Variants in COX11 observed in about 807,000 individuals in gnomAD.
The protein encoded by COX11 is cytochrome c oxidase copper chaperone COX11.
A neutral mutation model predicts 29.4 loss-of-function variants in COX11; 18 were observed. That is an observed-to-expected ratio of 0.61 (90% CI 0.42 to 0.91). COX11 has a LOEUF of 0.91. Ranked by LOEUF, COX11 falls within the 40% of genes least tolerant of loss-of-function variation. The pLI is 0.00. For missense variants in COX11, 312 were observed against 346.0 expected (o/e 0.90, Z 0.78); for synonymous variants, 131 against 124.0 (o/e 1.06, Z -0.38).
At position 54,961,156 on chromosome 17, in the gene COX11, T is replaced by G; in HGVS notation, c.*1577A>C. 9.9e-7 allele frequency: 1 copy of G among 1,011,074 alleles called. No individual in the cohort carries two copies. The highest frequency in any genetic ancestry group is 1.5e-6 in the Non-Finnish European group (1 of 660,122). The allele number at this position is 1,011,074 out of a possible 1,614,324, so 62.6% of individuals were successfully genotyped here. A position where few individuals can be genotyped will look rare whatever the true frequency, so the allele number is the denominator to read the frequency against. ...AGACTGTGACTCTCCAGCTTCCCAG[T>G]AAAGACAAGAGAGTTATCAAGGAAT... is the stretch of plus-strand genomic sequence containing the variant. On this transcript the variant is annotated 3_prime_UTR_variant, in exon 4 of 4. Transcript: ENST00000299335.
chr17:54,968,527 C>G lies in COX11; in HGVS notation c.120G>C (p.Trp40Cys). The change falls in exon 1 of 4, where the codon TGG becomes TGC. Residue 40 changes from tryptophan (W) to cysteine (C), a missense_variant. By Grantham distance (215) the Trp-to-Cys change is radical. This residue lies in a region of COX11 where 130 missense variants were observed against 106.0 expected (regional missense o/e 1.23). Transcript: ENST00000299335. ...CTCTCTCGGCACCTCCTGTCCCACT[C>G]CACTCTGGCCTAAGAAACGGCTCTA... ...ERVEPFLRPEWSGTGGAERGL... is the reference protein window; with the variant it reads ...ERVEPFLRPECSGTGGAERGL... 6.2e-7 allele frequency: 1 copy of G among 1,613,284 alleles called. No individual in the cohort carries two copies. Among genetic ancestry groups the G allele is most frequent in the Non-Finnish European group, 8.5e-7 (1 of 1,179,994 alleles).
chr17:54,954,361 G>C (rs2049383956), exon 1 of COX11: 2 of 152,192 alleles, frequency 1.3e-5, no homozygotes, highest in African/African-American at 4.8e-5. Flanking sequence ...AAAACACATA[G>C]ACCCGAGCAA....
chr17:54,960,702 G>A lies in COX11; in HGVS notation c.*2031C>T. The stretch of plus-strand genomic sequence containing the variant: ...GTATAATTATCACTTTACATATTTA[G>A]TATTTAAATTTTCTAAGGGCCATCT... On this transcript the variant is annotated 3_prime_UTR_variant, in exon 4 of 4. Transcript: ENST00000299335. 1 of 1,209,266 alleles carries A rather than the reference G, an allele frequency of 8.3e-7. No individual in the cohort carries two copies. The highest frequency in any genetic ancestry group is 1.2e-6 in the Non-Finnish European group (1 of 823,808). 74.9% of individuals were successfully genotyped at this position (1,209,266 alleles called of 1,614,324 possible). A position where few individuals can be genotyped will look rare whatever the true frequency, so the allele number is the denominator to read the frequency against.
rs141417404 is a variant in COX11 at position 54,960,633 on chromosome 17, G to A, written c.*2100C>T. On this transcript the variant is annotated 3_prime_UTR_variant, in exon 4 of 4. Transcript: ENST00000299335. ...TCAAAATGATGGTGACTGAGGTAAA[G>A]ACTTCAACTTATACAACTTAATTCC... 31 of 1,597,226 alleles carry A rather than the reference G, an allele frequency of 1.9e-5. No homozygotes were observed. Among genetic ancestry groups the A allele is most frequent in the Non-Finnish European group, 2.6e-5 (30 of 1,165,516 alleles).
Position 54,960,973 on chromosome 17 carries a change from T to C in COX11, c.*1760A>G, listed in dbSNP as rs904163976. On this transcript the variant is annotated 3_prime_UTR_variant, in exon 4 of 4. Coordinates refer to ENST00000299335, the MANE Select transcript of COX11 (RefSeq NM_004375.5). Reference sequence around the variant, plus strand: ...GTTAACCGGTACCAGTAGACCCATTTACCGTTAGTCCTCCAAATAGGTCTG... The same window carrying C: ...GTTAACCGGTACCAGTAGACCCATTCACCGTTAGTCCTCCAAATAGGTCTG... 7.3e-6 allele frequency: 4 copies of C among 547,990 alleles called. No individual in the cohort carries two copies. The Admixed American group carries it at 1.3e-4, about 18-fold the overall frequency. The allele number at this position is 547,990 out of a possible 1,614,324, so 33.9% of individuals were successfully genotyped here. A position where few individuals can be genotyped will look rare whatever the true frequency, so the allele number is the denominator to read the frequency against.
exon 1 of COX11, chr17:54,952,407 TGTG>T (rs1355979912): frequency 6.6e-6 from 1 of 151,424 alleles, no homozygotes; most frequent in Non-Finnish European, 1.5e-5. Flanking sequence ...ATTAGGCAGG[TGTG>T]GTGGTGCGCA....
chr17:54,968,173 G>C, intron 1 of COX11, 108 bp downstream of exon 1: 1 of 1,494,216 alleles, frequency 6.7e-7, no homozygotes, highest in Non-Finnish European at 8.9e-7. Flanking sequence ...AGATAATATC[G>C]GAAACCTCTT....
At position 54,962,684 on chromosome 17, in the gene COX11, A is replaced by C. The variant is rs2077150620; in HGVS notation, c.*49T>G. Reference sequence around the variant, plus strand: ...TTTCTCCTTTGAGAAGATAGGATATATGATTTTCCCAAAAATCACAACTTT... The same window carrying C: ...TTTCTCCTTTGAGAAGATAGGATATCTGATTTTCCCAAAAATCACAACTTT... On this transcript the variant is annotated 3_prime_UTR_variant, in exon 4 of 4. Coordinates refer to ENST00000299335, the MANE Select transcript of COX11 (RefSeq NM_004375.5). 1 of 1,588,728 alleles carries C rather than the reference A, an allele frequency of 6.3e-7. No homozygotes were observed. Among genetic ancestry groups the C allele is most frequent in the Non-Finnish European group, 8.6e-7 (1 of 1,168,734 alleles).
intron 3 of COX11, 160 bp from the exon 4 acceptor site, chr17:54,963,075 T>A: frequency 1.3e-6 from 1 of 781,864 alleles, no homozygotes; most frequent in South Asian, 2.0e-5. Flanking sequence ...TCTTTTCATC[T>A]CAATGAGTTC....
chr17:54,954,493 T>C (rs779836697), exon 1 of COX11: 4 of 152,236 alleles, frequency 2.6e-5, no homozygotes, highest in African/African-American at 2.4e-5. Context: ...GCTATTGCCA[T>C]AGCAGGAGCC....
rs368022665 is a variant in COX11, at chr17:54,966,292, G to A, written c.367-1440C>T. On this transcript the variant is annotated intron_variant, in intron 1 of 3. Coordinates refer to ENST00000299335, the MANE Select transcript of COX11 (RefSeq NM_004375.5). The stretch of plus-strand genomic sequence containing the variant: ...AAATAGACAAAAAGACTAGAAAACA[G>A]CACTAAAAAGATGTCCTGGTCTCTA... 1.5e-3 allele frequency among the ~76,000 whole-genome samples: 232 copies of A among 152,278 alleles called. 7 individuals are homozygous for A. The South Asian group carries it at 0.046, about 30-fold the overall frequency.
Position 54,960,470 on chromosome 17 carries a change from C to A in COX11, c.*2263G>T. 1.1e-6 allele frequency: 1 copy of A among 874,484 alleles called. No individual in the cohort carries two copies. Among genetic ancestry groups the A allele is most frequent in the Non-Finnish European group, 1.9e-6 (1 of 515,154 alleles). 54.2% of individuals were successfully genotyped at this position (874,484 alleles called of 1,614,324 possible). On this transcript the variant is annotated 3_prime_UTR_variant, in exon 4 of 4. Coordinates refer to ENST00000299335, the MANE Select transcript of COX11 (RefSeq NM_004375.5). ...CTCATATGTAGCCTGAACTCCAAAA[C>A]CAGCTCAATTTTTAATTACAGTGCT...
intron 2 of COX11, chr17:54,964,431 C>T (rs748808629): frequency 2.8e-5 from 11 of 391,974 alleles, no homozygotes; most frequent in Admixed American, 1.8e-4. Flanking sequence ...CTCATCTAAA[C>T]TTAATTTCAA....
intron 2 of COX11, among the ~76,000 whole-genome samples, chr17:54,963,830 C>T (rs1844562992): frequency 1.3e-5 from 2 of 151,944 alleles, no homozygotes; most frequent in African/African-American, 4.8e-5. Flanking sequence ...ATTAAACTTA[C>T]CTTAAAATCA....
chr17:54,955,924 A>G (rs1041936092), downstream of COX11, among the ~76,000 whole-genome samples: 6 of 152,184 alleles, frequency 3.9e-5, no homozygotes, highest in Admixed American at 3.9e-4. Flanking sequence ...ACTAGACACC[A>G]GGTCAGGGGT....
chr17:54,967,521 T>C (rs1291324071), intron 1 of COX11, among the ~76,000 whole-genome samples: 1 of 152,074 alleles, frequency 6.6e-6, no homozygotes, highest in Admixed American at 6.5e-5. Flanking sequence ...TTCTCAAAAC[T>C]TGCCCTCAAA....
downstream of COX11, among the ~76,000 whole-genome samples, chr17:54,959,998 T>G (rs12938118): frequency 3.9e-5 from 6 of 152,014 alleles, no homozygotes; most frequent in South Asian, 2.1e-4. Flanking sequence ...ATTTGAGTCA[T>G]ATTTCTCATT....
exon 1 of COX11, chr17:54,954,649 G>A (rs78113242): frequency 0.022 from 3,314 of 152,278 alleles, 86 homozygotes; most frequent in Non-Finnish European, 0.022. Context: ...AGAGTTAGAG[G>A]GCCTCACTTC....
At position 54,960,615 on chromosome 17, in the gene COX11, G is replaced by A. The variant is rs781722088; in HGVS notation, c.*2118C>T. On this transcript the variant is annotated 3_prime_UTR_variant, in exon 4 of 4. Transcript: ENST00000299335. ...TCACCAGCACAAAGGAGCTCAAAAT[G>A]ATGGTGACTGAGGTAAAGACTTCAA... The A allele has an allele frequency of 6.2e-7, 1 of 1,611,100 alleles. No homozygotes were observed. The highest frequency in any genetic ancestry group is 1.1e-5 in the South Asian group (1 of 90,986).
Sources: allele counts gnomAD v4.1 joint callset (sites outside exome capture counted in the v4.1 genomes callset), GRCh38; gene constraint gnomAD v4.1.1; regional missense constraint gnomAD v4.1.1; transcripts MANE v1.5; gene names NCBI Gene and HGNC (gene_info 2026-07-23, HGNC 2026-07-21).